The following ACOT7 variants were observed in gnomAD, a reference collection of about 807,000 sequenced individuals.
ACOT7 encodes the protein acyl-CoA thioesterase 7.
Under a neutral mutation model 40.2 loss-of-function variants are expected in ACOT7, and 12 were observed. The ratio of observed to expected loss-of-function variants is 0.30; its 90% CI spans 0.19 to 0.48. The LOEUF (loss-of-function observed/expected upper bound fraction) is 0.48. Among genes scored for constraint, ACOT7 ranks in the 20% least tolerant of loss-of-function variants. The pLI, the probability that ACOT7 is intolerant of heterozygous loss-of-function variation, is 0.99. For missense variants in ACOT7, 395 were observed against 530.8 expected (o/e 0.74, Z 2.51); for synonymous variants, 228 against 219.5 (o/e 1.04, Z -0.34).
chr1:6,298,227 C>T (rs1457061722), intron 6 of ACOT7, among the ~76,000 whole-genome samples: 4 of 152,060 alleles, frequency 2.6e-5, no homozygotes, highest in African/African-American at 7.2e-5. Context: ...CTCTGCCTCC[C>T]GGGTTCAAGC....
At chr1:6,351,154 A>G (rs722333) in intron 1 of ACOT7, among the ~76,000 whole-genome samples, 50,059 of 152,124 alleles carry the variant, frequency 0.33, 12,111 homozygotes, top group African/African-American at 0.69. Context: ...GTCCCCCAGC[A>G]ACCCATAGCT....
rs1883607 is a variant in ACOT7 at position 6,278,082 on chromosome 1, C to G, written c.1014+3020G>C. 0.36 allele frequency among the ~76,000 whole-genome samples: 51,888 copies of G among 142,214 alleles called. 13,128 individuals carry two copies. The highest frequency in any genetic ancestry group is 0.73 in the African/African-American group (29,296 of 39,984). 93.3% of individuals were successfully genotyped at this position (142,214 alleles called of 152,430 possible). On this transcript the variant is annotated intron_variant, in intron 8 of 8. Transcript: ENST00000361521. This position sits in a 1 kb window ranked among gnomAD's most constrained non-coding sequence, Gnocchi z 4.1. The stretch of plus-strand genomic sequence containing the variant: ...ACAGTCCACGCAGCGTCTGCAGTGG[C>G]GGGGGGTGGTTGGGAGGGGGTCTGG...
In ACOT7 at chr1:6,382,624, T is replaced by C. The variant is rs146851241; in HGVS notation, c.143+10633A>G. ...TGAGCTCAGGAGTTTGGGACCAGCC[T>C]GGCCAACATGGCGAAATCCTGTCTC... On this transcript the variant is annotated intron_variant, in intron 1 of 8. Transcript: ENST00000361521. Among the ~76,000 whole-genome samples, 598 of 151,680 alleles carry C rather than the reference T, an allele frequency of 3.9e-3. 4 individuals are homozygous for C. Among genetic ancestry groups the C allele is most frequent in the African/African-American group, 0.014 (577 of 41,468 alleles).
intron 1 of ACOT7, among the ~76,000 whole-genome samples, chr1:6,364,583 C>T (rs1641960097): frequency 6.6e-6 from 1 of 150,434 alleles, no homozygotes; most frequent in South Asian, 2.1e-4. Context: ...GGCGCAGTGG[C>T]TCACGCCTGT....
In ACOT7 at chr1:6,327,819, G is replaced by A. The variant is rs188875893; in HGVS notation, c.511-406C>T. On this transcript the variant is annotated intron_variant, in intron 4 of 8. Transcript: ENST00000361521. The stretch of plus-strand genomic sequence containing the variant: ...GAGATGGAGTCTCGCTCTGTCCCAG[G>A]CTGAAGTGCAGTGGCGTGATCTCAG... 2.1e-3 allele frequency among the ~76,000 whole-genome samples: 323 copies of A among 152,172 alleles called. 1 individual carries two copies. Among genetic ancestry groups the A allele is most frequent in the African/African-American group, 7.6e-3 (314 of 41,502 alleles).
intron 8 of ACOT7, among the ~76,000 whole-genome samples, chr1:6,267,688 C>T (rs1327836902): frequency 1.3e-5 from 2 of 152,228 alleles, no homozygotes; most frequent in Non-Finnish European, 2.9e-5. Flanking sequence ...GCCAGGGATC[C>T]CTTTCATAAG....
intron 1 of ACOT7, among the ~76,000 whole-genome samples, chr1:6,378,390 A>C (rs1171857440): frequency 1.3e-5 from 2 of 151,986 alleles, no homozygotes; most frequent in African/African-American, 4.8e-5. Context: ...CCCAGGTCCC[A>C]GCCAACAAGT....
chr1:6,376,681 G>A (rs1642239132), intron 1 of ACOT7, among the ~76,000 whole-genome samples: 1 of 150,146 alleles, frequency 6.7e-6, no homozygotes, highest in Non-Finnish European at 1.5e-5. Flanking sequence ...GAGCCGAGAT[G>A]GCACTATTGC....
intron 1 of ACOT7, among the ~76,000 whole-genome samples, chr1:6,372,657 C>T (rs1642154312): frequency 6.7e-6 from 1 of 149,272 alleles, no homozygotes; most frequent in Non-Finnish European, 1.5e-5. Context: ...TCAAGAGGTT[C>T]TTCTGCCTCA....
intron 2 of ACOT7, among the ~76,000 whole-genome samples, chr1:6,342,943 T>C (rs929992093): frequency 3.3e-5 from 5 of 151,730 alleles, no homozygotes; most frequent in African/African-American, 1.2e-4. Context: ...AAGATGACCT[T>C]GTGTTTGAGC....
intron 1 of ACOT7, among the ~76,000 whole-genome samples, chr1:6,363,419 CA>C (rs1197352361): frequency 1.3e-5 from 2 of 151,674 alleles, no homozygotes; most frequent in South Asian, 2.1e-4. Flanking sequence ...GAGGGCCTGA[CA>C]TCAGTCAGGC....
At chr1:6,290,791 G>T (rs1361277424) in intron 7 of ACOT7, among the ~76,000 whole-genome samples, 1 of 152,200 alleles carries the variant, frequency 6.6e-6, no homozygotes, top group Non-Finnish European at 1.5e-5. Flanking sequence ...GTAGCCCCTA[G>T]GCCTGCTAAC....
intron 7 of ACOT7, among the ~76,000 whole-genome samples, chr1:6,293,603 A>C (rs1571278116): frequency 6.6e-6 from 1 of 152,186 alleles, no homozygotes; most frequent in South Asian, 2.1e-4. Flanking sequence ...TGGGAGGCTG[A>C]GGTGAGAGGA....
Position 6,288,901 on chromosome 1 carries a change from ACACCC to A in ACOT7, c.829+5958_829+5962del, listed in dbSNP as rs1403421564. ...AGCTGTCCGTGTAACTTCCTGACAG[ACACCC>A]CACCCAAGCGAGGGCAAGCCACAGC... On this transcript the variant is annotated intron_variant, in intron 7 of 8. Coordinates refer to ENST00000361521, the MANE Select transcript of ACOT7 (RefSeq NM_007274.4). This position sits in a 1 kb window ranked among gnomAD's most constrained non-coding sequence, Gnocchi z 4.3. 2.0e-5 allele frequency among the ~76,000 whole-genome samples: 3 copies of A among 152,204 alleles called. No homozygotes were observed. The highest frequency in any genetic ancestry group is 4.4e-5 in the Non-Finnish European group (3 of 68,038).
intron 1 of ACOT7, among the ~76,000 whole-genome samples, chr1:6,369,003 T>C (rs947537488): frequency 4.0e-4 from 61 of 152,350 alleles, no homozygotes; most frequent in Admixed American, 3.9e-4. Context: ...TTTCTTTTTT[T>C]TTCTTTTTTG....
chr1:6,308,879 C>T (rs921931481), intron 6 of ACOT7, among the ~76,000 whole-genome samples: 4 of 152,188 alleles, frequency 2.6e-5, no homozygotes, highest in African/African-American at 9.7e-5. Flanking sequence ...AGTACATCTC[C>T]CCAGACCCTC....
intron 1 of ACOT7, among the ~76,000 whole-genome samples, chr1:6,366,058 C>G (rs988556247): frequency 4.6e-5 from 7 of 151,852 alleles, no homozygotes; most frequent in Admixed American, 1.3e-4. Flanking sequence ...CCACGCCCAG[C>G]TAATTTTTTG....
chr1:6,344,284 T>TGAGGCAGGAGG (rs1322711522), intron 2 of ACOT7, among the ~76,000 whole-genome samples: 3 of 152,154 alleles, frequency 2.0e-5, no homozygotes, highest in Non-Finnish European at 4.4e-5. Flanking sequence ...AAGAGTGACT[T>TGAGGCAGGAGG]GAGGCAGGAG....
Position 6,338,633 on chromosome 1 carries a change from AG to A in ACOT7, c.418+799del, listed in dbSNP as rs2148443774. Among the ~76,000 whole-genome samples, 1 of 152,320 alleles carries A rather than the reference AG, an allele frequency of 6.6e-6. No individual in the cohort carries two copies. Among genetic ancestry groups the A allele is most frequent in the East Asian group, 1.9e-4 (1 of 5,170 alleles). The stretch of plus-strand genomic sequence containing the variant: ...TTGCTACCGGCCCGTCATGAGGAAG[AG>A]GACTCAAGCCCCTCAAATGGCTGTG... On this transcript the variant is annotated intron_variant, in intron 3 of 8. Transcript: ENST00000361521. The surrounding 1 kb of genome is among the most constrained non-coding windows in gnomAD (Gnocchi z 4.4).
Sources: gnomAD v4.1 joint callset for allele counts (sites outside exome capture counted in the v4.1 genomes callset) on GRCh38, gnomAD v4.1.1 for gene constraint, Gnocchi (gnomAD v3.1) non-coding constraint, MANE v1.5 for transcripts, NCBI Gene and HGNC (gene_info 2026-07-23, HGNC 2026-07-21) for gene names.